EMILIN2: variants seen among roughly 807,000 people sequenced by gnomAD.
The protein encoded by EMILIN2 is EMILIN-2.
A neutral mutation model predicts 87.1 loss-of-function variants in EMILIN2; 71 were observed. That is an observed-to-expected ratio of 0.82 (90% CI 0.67 to 0.99). EMILIN2 has a LOEUF of 0.99. Among genes scored for constraint, EMILIN2 ranks in the 50% least tolerant of loss-of-function variants. The probability of loss-of-function intolerance (pLI) is 0.00; values close to 1 mark genes in which losing one functional copy is unlikely to be tolerated. For missense variants in EMILIN2, 1,407 were observed against 1,371.8 expected, an observed-to-expected ratio of 1.03 and a Z score of -0.40; for synonymous variants, 581 against 563.4, an observed-to-expected ratio of 1.03 and a Z score of -0.44.
intron 2 of EMILIN2, among the ~76,000 whole-genome samples, chr18:2,879,357 G>A (rs1334457148): frequency 1.3e-5 from 2 of 152,108 alleles, no homozygotes; most frequent in African/African-American, 2.4e-5. Context: ...AATCTTAATT[G>A]GTTTAAATGT....
Position 2,906,970 on chromosome 18 carries a change from C to G in EMILIN2, c.2547C>G (p.Gly849=). The change falls in exon 5 of 8, where the codon GGC becomes GGG. Residue 849 remains glycine, a synonymous_variant. Transcript: ENST00000254528. ...CCACCGGGGTCATCGCGGAGACGGG[C>G]CAGGCCGGGCCCCCCGCAGGCGCAG... ...PGSTGVIAET[G]QAGPPAGAGV... is the part of the protein sequence containing the mutation. 3 of 1,394,120 alleles carry G rather than the reference C, an allele frequency of 2.2e-6. No homozygotes were observed. The highest frequency in any genetic ancestry group is 1.9e-6 in the Non-Finnish European group (2 of 1,072,430). 86.4% of individuals were successfully genotyped at this position (1,394,120 alleles called of 1,614,324 possible). A position where few individuals can be genotyped will look rare whatever the true frequency, so the allele number is the denominator to read the frequency against.
At chr18:2,899,618 C>T (rs1348163982) in intron 4 of EMILIN2, among the ~76,000 whole-genome samples, 3 of 152,064 alleles carry the variant, frequency 2.0e-5, no homozygotes, top group African/African-American at 7.3e-5. Flanking sequence ...AATTCTCCTG[C>T]CTCAGCCACC....
chr18:2,865,901 C>T (rs573598502), intron 2 of EMILIN2, among the ~76,000 whole-genome samples: 113 of 152,320 alleles, frequency 7.4e-4, no homozygotes, highest in African/African-American at 2.4e-3. Context: ...ACTCAAGCGT[C>T]GGCAATGGCA....
Position 2,847,129 on chromosome 18 carries a change from G to C in EMILIN2, c.-60G>C. 11 of 1,067,364 alleles carry C rather than the reference G, an allele frequency of 1.0e-5. No homozygotes were observed. Among genetic ancestry groups the C allele is most frequent in the Non-Finnish European group, 1.2e-5 (11 of 883,106 alleles). 66.1% of individuals were successfully genotyped at this position (1,067,364 alleles called of 1,614,324 possible). ...CCTGGCCGCCGGCAGCCTTGTGGCC[G>C]GTGCCCCGATCCGCCGCGCTCCGGA... On this transcript the variant is annotated 5_prime_UTR_variant, in exon 1 of 8. Transcript: ENST00000254528. This position sits in a 1 kb window ranked among gnomAD's most constrained non-coding sequence, Gnocchi z 4.5.
chr18:2,889,679 CT>C (rs1283881913), intron 3 of EMILIN2, among the ~76,000 whole-genome samples: 4 of 119,422 alleles, frequency 3.3e-5, no homozygotes, highest in East Asian at 2.3e-4. Context: ...CATTCTTCTT[CT>C]TTTTTTCTTT....
chr18:2,858,581 G>GTATATATATATATATATATA (rs1416903980), intron 2 of EMILIN2, among the ~76,000 whole-genome samples: 7 of 64,788 alleles, frequency 1.1e-4, no homozygotes, highest in East Asian at 4.1e-4. Flanking sequence ...GTGTGTGTGT[G>GTATATATATATATATATATA]TGTATATATA....
Position 2,891,841 on chromosome 18 carries a change from G to A in EMILIN2, c.1714G>A (p.Glu572Lys), listed in dbSNP as rs867578173. The change falls in exon 4 of 8, where the codon GAA (glutamate) becomes AAA (lysine). Residue 572 changes from glutamate (E) to lysine (K), a missense_variant. By Grantham distance (56) the Glu-to-Lys change is moderately conservative. Coordinates refer to ENST00000254528, the MANE Select transcript of EMILIN2 (RefSeq NM_032048.3). The surrounding 1 kb of genome is among the most constrained non-coding windows in gnomAD (Gnocchi z 4.6). ...HGMEGALPNREDRAVRDSLHL... is the reference protein window; with the variant it reads ...HGMEGALPNRKDRAVRDSLHL... ...GATGGAAGGTGCCTTGCCAAACAGG[G>A]AAGACCGCGCAGTACGCGACAGCCT... The A allele has an allele frequency of 1.2e-6, 2 of 1,614,228 alleles. No homozygotes were observed. Among genetic ancestry groups the A allele is most frequent in the East Asian group, 2.2e-5 (1 of 44,884 alleles).
chr18:2,880,320 G>A lies in EMILIN2; in HGVS notation c.258-4644G>A, dbSNP rs1404445680. ...CTTCTCATTAGAATCTCCTGGGCCA[G>A]TCTAGTGTCTTGACACGGTTGCTGA... is the stretch of plus-strand genomic sequence containing the variant. On this transcript the variant is annotated intron_variant, in intron 2 of 7. Transcript: ENST00000254528. The surrounding 1 kb of genome is among the most constrained non-coding windows in gnomAD (Gnocchi z 4.1). Among the ~76,000 whole-genome samples the A allele has an allele frequency of 6.6e-6, 1 of 152,262 alleles. No individual in the cohort carries two copies. The highest frequency in any genetic ancestry group is 1.9e-4 in the East Asian group (1 of 5,188).
chr18:2,892,389 C>T lies in EMILIN2; in HGVS notation c.2262C>T (p.Asp754=), dbSNP rs957726351. Residue 754 remains aspartate (D), a synonymous_variant, in exon 4 of 8, where the codon GAC becomes GAT. Coordinates refer to ENST00000254528, the MANE Select transcript of EMILIN2 (RefSeq NM_032048.3). ...MNGTLRSHSR[D]ISGLKNSVQQ... is the part of the protein sequence containing the mutation. ...GAACGCTCAGGTCGCATTCCAGAGA[C>T]ATTTCTGGCCTGAAGAATTCAGTCC... The T allele has an allele frequency of 6.2e-6, 10 of 1,614,006 alleles. No individual in the cohort carries two copies. The highest frequency in any genetic ancestry group is 8.5e-6 in the Non-Finnish European group (10 of 1,180,038).
intron 4 of EMILIN2, among the ~76,000 whole-genome samples, chr18:2,897,562 C>T (rs2076869150): frequency 6.6e-6 from 1 of 152,098 alleles, no homozygotes; most frequent in South Asian, 2.1e-4. Context: ...TTCAAATAGA[C>T]AGTATAAAAA....
intron 2 of EMILIN2, among the ~76,000 whole-genome samples, chr18:2,860,874 T>C (rs1390215100): frequency 1.3e-5 from 2 of 152,230 alleles, no homozygotes; most frequent in East Asian, 3.8e-4. Flanking sequence ...AGTGTTCCTA[T>C]TTCTCCACAT....
chr18:2,913,030 C>G (rs748335721), intron 7 of EMILIN2, 37 bp from the exon 8 acceptor site: 69 of 1,597,888 alleles, frequency 4.3e-5, no homozygotes, highest in Non-Finnish European at 5.8e-5. Context: ...GCTGTGACGA[C>G]AGCAGGTGAG....
intron 2 of EMILIN2, among the ~76,000 whole-genome samples, chr18:2,858,931 C>A (rs1036129206): frequency 2.6e-5 from 4 of 152,096 alleles, no homozygotes; most frequent in African/African-American, 9.7e-5. Context: ...CCACCACACC[C>A]GGCCCTATAC....
chr18:2,911,097 CTG>C (rs375894010), intron 7 of EMILIN2, among the ~76,000 whole-genome samples: 116 of 152,288 alleles, frequency 7.6e-4, no homozygotes, highest in African/African-American at 2.4e-3. Flanking sequence ...CAGAGTGAGA[CTG>C]AGGCAAGTTT....
At position 2,885,155 on chromosome 18, in the gene EMILIN2, T is replaced by A. The variant is rs377055449; in HGVS notation, c.433+16T>A. The A allele has an allele frequency of 5.7e-6, 9 of 1,578,704 alleles. No individual in the cohort carries two copies. Among genetic ancestry groups the A allele is most frequent in the Non-Finnish European group, 6.9e-6 (8 of 1,163,418 alleles). On this transcript the variant is annotated intron_variant, in intron 3 of 7. Coordinates refer to ENST00000254528, the MANE Select transcript of EMILIN2 (RefSeq NM_032048.3). ...AAAGCCACAGGTAACTTCTTATTTGTGCTATTATGTATGGCCACCTTTAAT... is the reference window on the plus strand; with the variant it reads ...AAAGCCACAGGTAACTTCTTATTTGAGCTATTATGTATGGCCACCTTTAAT...
At chr18:2,852,103 T>C (rs2076604607) in intron 2 of EMILIN2, among the ~76,000 whole-genome samples, 1 of 152,220 alleles carries the variant, frequency 6.6e-6, no homozygotes, top group South Asian at 2.1e-4. Flanking sequence ...TTACACCTTC[T>C]TTCATAAAAG....
At chr18:2,887,567 C>T (rs147381311) in intron 3 of EMILIN2, among the ~76,000 whole-genome samples, 1,571 of 152,268 alleles carry the variant, frequency 0.01, 28 homozygotes, top group African/African-American at 0.033. Context: ...CTCTCGCTCC[C>T]TCTCTTACCA....
intron 2 of EMILIN2, among the ~76,000 whole-genome samples, chr18:2,877,454 T>A (rs1481104433): frequency 8.4e-6 from 1 of 119,576 alleles, no homozygotes; most frequent in African/African-American, 3.1e-5. Context: ...TTTTTTTTTT[T>A]ACAAACAAAA....
rs772842831 is a variant in EMILIN2, at chr18:2,891,169, C to T, written c.1042C>T (p.Leu348Phe). 2 of 1,614,094 alleles carry T rather than the reference C, an allele frequency of 1.2e-6. No individual in the cohort carries two copies. Among genetic ancestry groups the T allele is most frequent in the African/African-American group, 1.3e-5 (1 of 74,940 alleles). ...ADLKNSCEYK[L>F]TGLQQQCDDY... Reference sequence around the variant, plus strand: ...CCTGAAAAACTCATGTGAGTACAAGCTCACTGGCCTCCAGCAGCAGTGTGA... The same window carrying T: ...CCTGAAAAACTCATGTGAGTACAAGTTCACTGGCCTCCAGCAGCAGTGTGA... The change falls in exon 4 of 8, where the codon CTC (leucine) becomes TTC (phenylalanine). Residue 348 changes from leucine to phenylalanine, a missense_variant. Physicochemically the swap from Leu to Phe is conservative, Grantham distance 22 (BLOSUM62 0). Coordinates refer to ENST00000254528, the MANE Select transcript of EMILIN2 (RefSeq NM_032048.3). The surrounding 1 kb of genome is among the most constrained non-coding windows in gnomAD (Gnocchi z 4.6).
Sources: gnomAD v4.1 joint callset for allele counts (sites outside exome capture counted in the v4.1 genomes callset) on GRCh38, gnomAD v4.1.1 for gene constraint, Gnocchi (gnomAD v3.1) non-coding constraint, MANE v1.5 for transcripts, NCBI Gene and HGNC (gene_info 2026-07-23, HGNC 2026-07-21) for gene names.